The following MTUS2 variants were observed in gnomAD, a reference collection of about 807,000 sequenced individuals.
MTUS2 encodes microtubule associated scaffold protein 2.
Under a neutral mutation model 114.1 loss-of-function variants are expected in MTUS2, and 40 were observed. That is an observed-to-expected ratio of 0.35 (90% CI 0.27 to 0.46). MTUS2 has a LOEUF of 0.46. Ranked by LOEUF, MTUS2 falls within the 20% of genes least tolerant of loss-of-function variation. The pLI is 1.00. For synonymous variants in MTUS2, 688 were observed against 672.0 expected (o/e 1.02, Z -0.37); for missense variants, 1,679 against 1,705.4 (o/e 0.98, Z 0.27).
At chr13:29,259,111 A>C (rs571666393) in intron 5 of MTUS2, among the ~76,000 whole-genome samples, 3 of 152,358 alleles carry the variant, frequency 2.0e-5, no homozygotes, top group African/African-American at 7.2e-5. Context: ...AACAATAACA[A>C]AAACAAAAAG....
chr13:29,406,856 T>G (rs1874793419), intron 8 of MTUS2, among the ~76,000 whole-genome samples: 2 of 152,256 alleles, frequency 1.3e-5, no homozygotes, highest in Non-Finnish European at 2.9e-5. Flanking sequence ...TTTGAAATGT[T>G]TCTAGGTTGA....
chr13:29,498,274 G>A, intron 13 of MTUS2, 144 bp from the exon 14 acceptor site: 1 of 1,187,048 alleles, frequency 8.4e-7, no homozygotes, highest in Non-Finnish European at 1.2e-6. Context: ...AGGGAAGGCT[G>A]TGAGCATCCT....
At chr13:29,265,618 GA>G (rs373717909) in intron 5 of MTUS2, among the ~76,000 whole-genome samples, 14 of 152,330 alleles carry the variant, frequency 9.2e-5, no homozygotes, top group African/African-American at 3.1e-4. Flanking sequence ...GGCTTTACAG[GA>G]AGCATGGCAC....
chr13:29,300,294 G>A (rs1257244065), intron 6 of MTUS2, among the ~76,000 whole-genome samples: 1 of 152,054 alleles, frequency 6.6e-6, no homozygotes, highest in African/African-American at 2.4e-5. Flanking sequence ...TTCAAAAGTA[G>A]GACACTAAAA....
At chr13:29,100,354 AC>A (rs1244507267) in intron 4 of MTUS2, among the ~76,000 whole-genome samples, 1 of 152,134 alleles carries the variant, frequency 6.6e-6, no homozygotes, top group African/African-American at 2.4e-5. Flanking sequence ...GTGAATGTTC[AC>A]CCCAATGGTT....
intron 9 of MTUS2, among the ~76,000 whole-genome samples, chr13:29,468,393 A>G (rs904755567): frequency 1.1e-4 from 16 of 152,252 alleles, no homozygotes; most frequent in African/African-American, 3.4e-4. Context: ...AGCCTGGCCA[A>G]CATGGTGAAA....
chr13:29,338,876 G>A (rs1181834930), intron 7 of MTUS2, among the ~76,000 whole-genome samples: 1 of 152,208 alleles, frequency 6.6e-6, no homozygotes, highest in Non-Finnish European at 1.5e-5. Flanking sequence ...GAAAGGTAAG[G>A]GTTTTGAGAG....
chr13:29,431,838 ATTTGTTTTTTGT>A (rs973184193), intron 8 of MTUS2, among the ~76,000 whole-genome samples: 1 of 151,468 alleles, frequency 6.6e-6, no homozygotes, highest in Non-Finnish European at 1.5e-5. Flanking sequence ...TTGTTGGTTG[ATTTGTTTTTTGT>A]TTTGTTTTGT....
intron 8 of MTUS2, among the ~76,000 whole-genome samples, chr13:29,416,301 T>C (rs760424346): frequency 3.3e-5 from 5 of 151,948 alleles, no homozygotes; most frequent in Non-Finnish European, 7.4e-5. Flanking sequence ...TTTACTCTCT[T>C]TATTCTGTCT....
intron 8 of MTUS2, among the ~76,000 whole-genome samples, chr13:29,409,994 A>G (rs1875102297): frequency 6.6e-6 from 1 of 152,224 alleles, no homozygotes; most frequent in Non-Finnish European, 1.5e-5. Flanking sequence ...TAGATTAAAA[A>G]GAAAGTACAT....
chr13:29,112,826 A>T (rs538273164), intron 5 of MTUS2, among the ~76,000 whole-genome samples: 1 of 152,196 alleles, frequency 6.6e-6, no homozygotes, highest in African/African-American at 2.4e-5. Context: ...AAAGACTTCA[A>T]GGAGGTCATA....
intron 5 of MTUS2, among the ~76,000 whole-genome samples, chr13:29,152,534 A>T (rs1396851937): frequency 6.6e-6 from 1 of 152,174 alleles, no homozygotes; most frequent in African/African-American, 2.4e-5. Flanking sequence ...GCTGTCAGAC[A>T]GGGCAGTGGT....
At chr13:29,319,537 C>A (rs2139666495) in intron 6 of MTUS2, among the ~76,000 whole-genome samples, 1 of 152,260 alleles carries the variant, frequency 6.6e-6, no homozygotes, top group African/African-American at 2.4e-5. Context: ...GTAGGGCTGT[C>A]ATCGTCCCAA....
chr13:29,149,775 T>C (rs1203604196), intron 5 of MTUS2, among the ~76,000 whole-genome samples: 1 of 152,238 alleles, frequency 6.6e-6, no homozygotes, highest in African/African-American at 2.4e-5. Flanking sequence ...AAGGGACTCC[T>C]TTCCCCATTG....
At chr13:28,874,341 A>C (rs777250413) in intron 2 of MTUS2, among the ~76,000 whole-genome samples, 3 of 152,170 alleles carry the variant, frequency 2.0e-5, no homozygotes, top group Non-Finnish European at 4.4e-5. Flanking sequence ...TAAACTATTC[A>C]ATTTATTTAA....
Position 29,325,505 on chromosome 13 carries a change from A to C in MTUS2, c.2905+794A>C, listed in dbSNP as rs1362190021. Among the ~76,000 whole-genome samples the C allele has an allele frequency of 1.8e-3, 251 of 141,472 alleles. 1 individual carries two copies. Among genetic ancestry groups the C allele is most frequent in the African/African-American group, 6.2e-3 (239 of 38,530 alleles). 92.8% of individuals were successfully genotyped at this position (141,472 alleles called of 152,430 possible). On this transcript the variant is annotated intron_variant, in intron 7 of 15. Transcript: ENST00000612955. The stretch of plus-strand genomic sequence containing the variant: ...AAGAGGAAGAGGGAGGAGGAGGAGG[A>C]GGAGAAGGAGGAGGAGGAGGGAGGA...
chr13:28,878,522 C>G (rs527549683), intron 2 of MTUS2, among the ~76,000 whole-genome samples: 183 of 152,226 alleles, frequency 1.2e-3, no homozygotes, highest in African/African-American at 3.7e-3. Flanking sequence ...ATGTGTTGTT[C>G]TTCTCCCTGT....
intron 8 of MTUS2, among the ~76,000 whole-genome samples, chr13:29,398,030 G>A (rs1874038183): frequency 6.6e-6 from 1 of 152,152 alleles, no homozygotes; most frequent in Admixed American, 6.5e-5. Context: ...AAAGAGAATT[G>A]TAAACAAATA....
At chr13:29,182,299 C>T (rs1287944840) in intron 5 of MTUS2, among the ~76,000 whole-genome samples, 1 of 152,228 alleles carries the variant, frequency 6.6e-6, no homozygotes, top group Non-Finnish European at 1.5e-5. Flanking sequence ...ACCAGCTCTG[C>T]TTAGCCTTCT....
Sources: allele counts gnomAD v4.1 joint callset (sites outside exome capture counted in the v4.1 genomes callset), GRCh38; gene constraint gnomAD v4.1.1; transcripts MANE v1.5; gene names NCBI Gene and HGNC (gene_info 2026-07-23, HGNC 2026-07-21).